Variants in TIAM1 observed in about 807,000 individuals in gnomAD.
TIAM1 encodes TIAM Rac1 associated GEF 1, also known as rho guanine nucleotide exchange factor TIAM1.
TIAM1 carries 65 observed loss-of-function variants against 163.5 expected under a neutral mutation model. The ratio of observed to expected loss-of-function variants is 0.40; its 90% CI spans 0.33 to 0.49. TIAM1 has a LOEUF of 0.49. Ranked by LOEUF, TIAM1 falls within the 20% of genes least tolerant of loss-of-function variation. TIAM1 has a pLI of 0.77. For synonymous variants in TIAM1, 833 were observed against 810.1 expected (o/e 1.03, Z -0.48); for missense variants, 1,789 against 2,044.7 (o/e 0.87, Z 2.41).
chr21:31,236,403 G>GA (rs2088763718), intron 6 of TIAM1, among the ~76,000 whole-genome samples: 1 of 152,170 alleles, frequency 6.6e-6, no homozygotes, highest in Non-Finnish European at 1.5e-5. Flanking sequence ...ACGGTGTGGG[G>GA]AAAACAGGAC....
At chr21:31,166,339 G>C (rs1315899781) in intron 15 of TIAM1, among the ~76,000 whole-genome samples, 3 of 152,158 alleles carry the variant, frequency 2.0e-5, no homozygotes, top group African/African-American at 4.8e-5. Flanking sequence ...GAAGAAATGG[G>C]AGCAGAAGGA....
rs1422578607 is a variant in TIAM1, at chr21:31,210,661, GAAAGAAAAAGAAAGAAAGAAAGAAAA to G, written c.2218-472_2218-447del. On this transcript the variant is annotated intron_variant, in intron 10 of 27. Transcript: ENST00000541036. Reference sequence around the variant, plus strand: ...AGAAAGAAAGAAAGAAAGAAAGAAAGAAAGAAAAAGAAAGAAAGAAAGAAAAAGAAAGAAAGAAAGAAAGAGAAAGA... The same window carrying G: ...AGAAAGAAAGAAAGAAAGAAAGAAAGAGAAAGAAAGAAAGAAAGAGAAAGA... Among the ~76,000 whole-genome samples, 12 of 20,344 alleles carry G rather than the reference GAAAGAAAAAGAAAGAAAGAAAGAAAA, an allele frequency of 5.9e-4. 2 individuals carry two copies. The highest frequency in any genetic ancestry group is 2.5e-3 in the African/African-American group (10 of 3,954). 13.3% of individuals were successfully genotyped at this position (20,344 alleles called of 152,430 possible). A position where few individuals can be genotyped will look rare whatever the true frequency, so the allele number is the denominator to read the frequency against.
intron 5 of TIAM1, 134 bp downstream of exon 5, chr21:31,251,608 T>C: frequency 3.3e-6 from 3 of 920,462 alleles, no homozygotes; most frequent in East Asian, 5.3e-5. Context: ...CTATGATAAA[T>C]GTTTTAAATT....
chr21:31,271,360 C>A (rs1443222915), intron 3 of TIAM1, among the ~76,000 whole-genome samples: 3 of 152,154 alleles, frequency 2.0e-5, no homozygotes, highest in African/African-American at 7.2e-5. Flanking sequence ...TGAGACACAG[C>A]ACACATCAGT....
At chr21:31,246,851 A>G (rs1306221995) in intron 5 of TIAM1, among the ~76,000 whole-genome samples, 1 of 152,130 alleles carries the variant, frequency 6.6e-6, no homozygotes, top group Non-Finnish European at 1.5e-5. Flanking sequence ...CTCTTGGTAC[A>G]GTTTGACCAT....
At chr21:31,459,665 C>G (rs1359281483) in intron 2 of TIAM1, among the ~76,000 whole-genome samples, 1 of 152,170 alleles carries the variant, frequency 6.6e-6, no homozygotes, top group African/African-American at 2.4e-5. Flanking sequence ...TAATAACTTT[C>G]TCCAACAGGC....
At chr21:31,365,851 C>G (rs911481100) in intron 2 of TIAM1, among the ~76,000 whole-genome samples, 2 of 151,618 alleles carry the variant, frequency 1.3e-5, no homozygotes, top group African/African-American at 4.8e-5. Context: ...GCCTGTAATC[C>G]CGGCACTTTG....
At chr21:31,467,455 G>A (rs1445898655) in intron 1 of TIAM1, among the ~76,000 whole-genome samples, 2 of 151,782 alleles carry the variant, frequency 1.3e-5, no homozygotes, top group Non-Finnish European at 2.9e-5. Flanking sequence ...GTGAAACCCC[G>A]TGTCTACTAA....
intron 16 of TIAM1, chr21:31,160,644 G>C (rs1307772333): frequency 7.6e-6 from 3 of 396,620 alleles, no homozygotes; most frequent in Non-Finnish European, 1.3e-5. Flanking sequence ...GCTCTGAAGA[G>C]AGCATCCTCT....
At chr21:31,329,068 A>G (rs532382655) in intron 2 of TIAM1, among the ~76,000 whole-genome samples, 1 of 152,346 alleles carries the variant, frequency 6.6e-6, no homozygotes, top group South Asian at 2.1e-4. Flanking sequence ...CCTAAATTAT[A>G]TGCAAATGCT....
At chr21:31,277,827 G>A (rs560000411) in intron 2 of TIAM1, among the ~76,000 whole-genome samples, 3 of 151,990 alleles carry the variant, frequency 2.0e-5, no homozygotes, top group African/African-American at 4.8e-5. Context: ...AGTCTGGATC[G>A]GGACCTCTTT....
chr21:31,306,732 C>G (rs150365155), intron 2 of TIAM1, among the ~76,000 whole-genome samples: 162 of 152,284 alleles, frequency 1.1e-3, no homozygotes, highest in African/African-American at 3.4e-3. Flanking sequence ...AAAGTATCAA[C>G]GTTGTAAGTC....
chr21:31,553,178 TTAA>T (rs1422751452), intron 1 of TIAM1, among the ~76,000 whole-genome samples: 1 of 152,258 alleles, frequency 6.6e-6, no homozygotes, highest in Non-Finnish European at 1.5e-5. Context: ...GGTGGTAGAA[TTAA>T]TAATGACACC....
At chr21:31,413,264 C>CTTTTTTTTTTTTT (rs397866519) in intron 2 of TIAM1, among the ~76,000 whole-genome samples, 16 of 87,880 alleles carry the variant, frequency 1.8e-4, no homozygotes, top group African/African-American at 2.5e-4. Context: ...CTTTTCTTTT[C>CTTTTTTTTTTTTT]TTTTTTTTTT....
chr21:31,258,945 T>G (rs1168813615), intron 4 of TIAM1, among the ~76,000 whole-genome samples: 1 of 152,172 alleles, frequency 6.6e-6, no homozygotes, highest in Non-Finnish European at 1.5e-5. Context: ...GTTTCCTAAG[T>G]TCTCCATTGG....
intron 2 of TIAM1, chr21:31,453,009 G>A (rs2044928946): frequency 2.1e-6 from 1 of 481,198 alleles, no homozygotes; most frequent in South Asian, 1.6e-5. Context: ...GGTCAAAGTG[G>A]GAGATACACT....
intron 1 of TIAM1, among the ~76,000 whole-genome samples, chr21:31,507,135 T>C (rs1030637332): frequency 6.7e-6 from 1 of 150,336 alleles, no homozygotes. Context: ...CTAGATCATA[T>C]GGTAATTCTA....
chr21:31,432,027 A>G (rs769896001), intron 2 of TIAM1, among the ~76,000 whole-genome samples: 1 of 150,990 alleles, frequency 6.6e-6, no homozygotes, highest in Non-Finnish European at 1.5e-5. Context: ...TTCCTTGATC[A>G]TATCTTTGTG....
intron 16 of TIAM1, among the ~76,000 whole-genome samples, chr21:31,154,685 A>G (rs2083537225): frequency 6.6e-6 from 1 of 152,206 alleles, no homozygotes; most frequent in African/African-American, 2.4e-5. Context: ...CCCACACGGT[A>G]AGGACAACGG....
Sources: allele counts gnomAD v4.1 joint callset (sites outside exome capture counted in the v4.1 genomes callset), GRCh38; gene constraint gnomAD v4.1.1; transcripts MANE v1.5; gene names NCBI Gene and HGNC (gene_info 2026-07-23, HGNC 2026-07-21).